DTNB: variants seen among roughly 807,000 people sequenced by gnomAD.
The protein encoded by DTNB is DTN-B.
In DTNB, 63 loss-of-function variants were observed where a neutral mutation model predicts 90.7. The observed-to-expected ratio is 0.69, with a 90% CI of 0.57 to 0.86. The LOEUF is 0.86. Among genes scored for constraint, DTNB ranks in the 40% least tolerant of loss-of-function variants. The probability of loss-of-function intolerance (pLI) is 0.00; values close to 1 mark genes in which losing one functional copy is unlikely to be tolerated. For missense variants in DTNB, 744 were observed against 807.1 expected (o/e 0.92, Z 0.95); for synonymous variants, 277 against 286.7 (o/e 0.97, Z 0.34).
In DTNB at chr2:25,389,761, C is replaced by T. The variant is rs149646202; in HGVS notation, c.1576-1400G>A. On this transcript the variant is annotated intron_variant, in intron 16 of 20. Coordinates refer to ENST00000406818, the MANE Select transcript of DTNB (RefSeq NM_021907.5). ...TGAACAGGTGGACAGGCTGGACGCA[C>T]GACACCCCACCGCAGTGCTTCAACC... 7.8e-4 allele frequency among the ~76,000 whole-genome samples: 119 copies of T among 152,200 alleles called. No individual in the cohort carries two copies. The Middle Eastern group carries it at 0.01, about 13-fold the overall frequency.
chr2:25,653,474 G>GCTTTCTTT (rs1359482034), intron 1 of DTNB, among the ~76,000 whole-genome samples: 102 of 112,238 alleles, frequency 9.1e-4, no homozygotes, highest in South Asian at 2.6e-3. Flanking sequence ...ACTGTTCAGA[G>GCTTTCTTT]CTTGCTTTCT....
At chr2:25,529,442 A>G (rs566791916) in intron 9 of DTNB, among the ~76,000 whole-genome samples, 8 of 152,240 alleles carry the variant, frequency 5.3e-5, no homozygotes, top group African/African-American at 1.4e-4. Flanking sequence ...GAAAACCACT[A>G]TAATGTTGAG....
At chr2:25,625,534 CTCT>C (rs2073920650) in intron 4 of DTNB, among the ~76,000 whole-genome samples, 2 of 146,294 alleles carry the variant, frequency 1.4e-5, no homozygotes, top group Admixed American at 1.4e-4. Context: ...ATACCCCTTA[CTCT>C]TCTTAACTCA....
intron 16 of DTNB, among the ~76,000 whole-genome samples, chr2:25,399,673 G>A (rs1410982831): frequency 6.6e-6 from 1 of 152,178 alleles, no homozygotes; most frequent in Admixed American, 6.6e-5. Flanking sequence ...ACTTTAACTA[G>A]ATAAGCAAAT....
At chr2:25,400,906 T>C (rs2043558544) in intron 16 of DTNB, among the ~76,000 whole-genome samples, 2 of 152,218 alleles carry the variant, frequency 1.3e-5, no homozygotes, top group African/African-American at 2.4e-5. Context: ...ATAAGCTCTC[T>C]AGACTGCTGG....
chr2:25,638,101 T>C (rs2077476515), intron 3 of DTNB, among the ~76,000 whole-genome samples: 1 of 152,066 alleles, frequency 6.6e-6, no homozygotes, highest in Non-Finnish European at 1.5e-5. Context: ...CAGCAAACTA[T>C]CGCAAGGACA....
chr2:25,538,236 A>AT (rs1553506038), intron 8 of DTNB, among the ~76,000 whole-genome samples: 1 of 151,828 alleles, frequency 6.6e-6, no homozygotes, highest in Non-Finnish European at 1.5e-5. Flanking sequence ...AACAACAAAA[A>AT]ATATATATAT....
intron 19 of DTNB, chr2:25,379,686 C>T (rs1372397243): frequency 8.2e-6 from 2 of 244,536 alleles, no homozygotes; most frequent in Non-Finnish European, 1.6e-5. Context: ...CGGTCCCCCT[C>T]CTGCAGATGG....
chr2:25,482,803 T>C lies in DTNB; in HGVS notation c.1072A>G (p.Thr358Ala), dbSNP rs1366328648. The C allele has an allele frequency of 3.7e-6, 6 of 1,613,688 alleles. No homozygotes were observed. Among genetic ancestry groups the C allele is most frequent in the Non-Finnish European group, 5.1e-6 (6 of 1,179,812 alleles). Residue 358 changes from threonine to alanine, a missense_variant, in exon 10 of 21, where the codon ACC becomes GCC. Transcript: ENST00000406818. The stretch of plus-strand genomic sequence containing the variant: ...GGCACAAGACATACGTACCTCTTGG[T>C]GGGAGTGGGCACTCCAGAGGACATG... ...SHMSSGVPTPTKRLQYSQDIP... is the reference protein window; with the variant it reads ...SHMSSGVPTPAKRLQYSQDIP...
At chr2:25,496,471 A>G (rs2068869654) in intron 9 of DTNB, among the ~76,000 whole-genome samples, 1 of 152,200 alleles carries the variant, frequency 6.6e-6, no homozygotes, top group African/African-American at 2.4e-5. Flanking sequence ...TCATCAACTG[A>G]AATCTGTTTT....
intron 19 of DTNB, 69 bp from the exon 20 acceptor site, chr2:25,379,392 C>G: frequency 7.7e-7 from 1 of 1,292,174 alleles, no homozygotes; most frequent in Non-Finnish European, 9.9e-7. Flanking sequence ...CAGACTATCT[C>G]AAAGGGGCTT....
At chr2:25,665,920 A>G (rs2084330647) in intron 1 of DTNB, among the ~76,000 whole-genome samples, 1 of 152,230 alleles carries the variant, frequency 6.6e-6, no homozygotes, top group East Asian at 1.9e-4. Flanking sequence ...CTGAGTAGCT[A>G]AATAACCTCA....
At chr2:25,427,723 T>C (rs2052319895) in intron 14 of DTNB, 92 bp from the exon 15 acceptor site, 8 of 1,230,266 alleles carry the variant, frequency 6.5e-6, no homozygotes, top group Non-Finnish European at 6.9e-6. Flanking sequence ...TCCTGCTACT[T>C]ACCAGTTATG....
chr2:25,619,091 G>A (rs1413481956), intron 4 of DTNB, among the ~76,000 whole-genome samples: 1 of 151,874 alleles, frequency 6.6e-6, no homozygotes, highest in Non-Finnish European at 1.5e-5. Flanking sequence ...AACCAAATCT[G>A]GATGACGTTT....
At chr2:25,652,923 A>T (rs866349598) in intron 1 of DTNB, 2 of 309,636 alleles carry the variant, frequency 6.5e-6, no homozygotes, top group African/African-American at 2.2e-5. Context: ...GGGCTGACTT[A>T]CTTCTAACTT....
chr2:25,497,073 C>T (rs1044160931), intron 9 of DTNB, among the ~76,000 whole-genome samples: 1 of 152,190 alleles, frequency 6.6e-6, no homozygotes, highest in African/African-American at 2.4e-5. Context: ...GCTGTTGTCT[C>T]TAAGGAAACA....
intron 5 of DTNB, among the ~76,000 whole-genome samples, chr2:25,606,006 C>T (rs1335906016): frequency 2.6e-5 from 4 of 152,046 alleles, no homozygotes; most frequent in Non-Finnish European, 5.9e-5. Context: ...TAACAGTTGA[C>T]CAAATACATT....
intron 14 of DTNB, among the ~76,000 whole-genome samples, chr2:25,428,269 T>C (rs947827069): frequency 1.3e-5 from 2 of 152,174 alleles, no homozygotes; most frequent in African/African-American, 4.8e-5. Context: ...TCAGTCCTCT[T>C]TGTTACTTTC....
chr2:25,579,867 T>C (rs1385165555), intron 7 of DTNB, among the ~76,000 whole-genome samples: 1 of 151,772 alleles, frequency 6.6e-6, no homozygotes, highest in Non-Finnish European at 1.5e-5. Context: ...CAGGAAGTCA[T>C]GGCTAAAAAT....
Sources: allele counts gnomAD v4.1 joint callset (sites outside exome capture counted in the v4.1 genomes callset), GRCh38; gene constraint gnomAD v4.1.1; transcripts MANE v1.5; gene names NCBI Gene and HGNC (gene_info 2026-07-23, HGNC 2026-07-21).